The following ZNF236 variants were observed in gnomAD, a reference collection of about 807,000 sequenced individuals.
The protein encoded by ZNF236 is zinc finger protein 236, also known as regulated by glucose.
In ZNF236, 50 loss-of-function variants were observed where a neutral mutation model predicts 191.2. That is an observed-to-expected ratio of 0.26 (90% CI 0.21 to 0.33). The LOEUF (loss-of-function observed/expected upper bound fraction) is 0.33. Among genes scored for constraint, ZNF236 ranks in the 10% least tolerant of loss-of-function variants. The probability of loss-of-function intolerance (pLI) is 1.00; values close to 1 mark genes in which losing one functional copy is unlikely to be tolerated. For synonymous variants in ZNF236, 907 were observed against 928.8 expected (o/e 0.98, Z 0.43); for missense variants, 1,754 against 2,374.5 (o/e 0.74, Z 5.43).
chr18:76,952,095 G>A (rs938621392), intron 27 of ZNF236, among the ~76,000 whole-genome samples: 10 of 152,300 alleles, frequency 6.6e-5, no homozygotes, highest in African/African-American at 2.4e-4. Flanking sequence ...TTGAAATATT[G>A]CGAGAATTAC....
In ZNF236 at chr18:76,959,715, C is replaced by A. The variant is rs755318269; in HGVS notation, c.5141C>A (p.Pro1714His). The change falls in exon 29 of 31, where the codon CCC becomes CAC. Residue 1714 changes from proline to histidine, a missense_variant. Transcript: ENST00000320610. The part of the protein sequence containing the change: ...KEHMQTHQAG[P>H]SLSSQKPRVF... ...CACATGCAGACACACCAGGCCGGCC[C>A]CTCTTTGAGCTCCCAGAAGCCAAGA... The A allele has an allele frequency of 6.2e-7, 1 of 1,613,632 alleles. No individual in the cohort carries two copies. The highest frequency in any genetic ancestry group is 1.1e-5 in the South Asian group (1 of 90,948).
At chr18:76,826,472 A>G (rs1189661987) in intron 1 of ZNF236, among the ~76,000 whole-genome samples, 1 of 151,448 alleles carries the variant, frequency 6.6e-6, no homozygotes, top group Non-Finnish European at 1.5e-5. Context: ...GGCAGTTGGG[A>G]ACTGGATCTC....
At chr18:76,872,430 A>G (rs1305157162) in intron 5 of ZNF236, among the ~76,000 whole-genome samples, 1 of 152,226 alleles carries the variant, frequency 6.6e-6, no homozygotes, top group Non-Finnish European at 1.5e-5. Context: ...GTGCCACTGC[A>G]CTCCAGCCTG....
intron 28 of ZNF236, 98 bp from the exon 29 acceptor site, chr18:76,959,589 G>A (rs1468988119): frequency 2.2e-6 from 3 of 1,395,140 alleles, no homozygotes; most frequent in Non-Finnish European, 2.9e-6. Flanking sequence ...TTTTGTCCTT[G>A]CCACTGACTT....
At position 76,830,636 on chromosome 18, in the gene ZNF236, T is replaced by TA. The variant is rs994315416; in HGVS notation, c.55+7985dup. ...TAACACTAATGATAGCTGGTGGAGTTAAAAAAAAAAATCTCAAAAAAAGTC... is the reference window on the plus strand; with the variant it reads ...TAACACTAATGATAGCTGGTGGAGTTAAAAAAAAAAAATCTCAAAAAAAGTC... On this transcript the variant is annotated intron_variant, in intron 1 of 30. Transcript: ENST00000320610. 5.1e-4 allele frequency among the ~76,000 whole-genome samples: 76 copies of TA among 148,392 alleles called. 1 individual carries two copies. Among genetic ancestry groups the TA allele is most frequent in the Middle Eastern group, 6.9e-3 (2 of 290 alleles).
chr18:76,931,720 A>T (rs944997909), intron 25 of ZNF236, among the ~76,000 whole-genome samples: 1 of 152,226 alleles, frequency 6.6e-6, no homozygotes, highest in Non-Finnish European at 1.5e-5. Flanking sequence ...AGAAACTGCA[A>T]TTACTTTTGC....
chr18:76,883,722 T>A (rs1484245184), intron 9 of ZNF236, among the ~76,000 whole-genome samples: 2 of 152,148 alleles, frequency 1.3e-5, no homozygotes, highest in African/African-American at 2.4e-5. Context: ...GCTACCACAC[T>A]TAGCCTGGGG....
At chr18:76,917,875 CT>C (rs1967415591) in intron 19 of ZNF236, among the ~76,000 whole-genome samples, 3 of 152,238 alleles carry the variant, frequency 2.0e-5, no homozygotes, top group African/African-American at 7.2e-5. Context: ...TCTGGAATTT[CT>C]ACGAGATGGA....
In ZNF236 at chr18:76,972,854, C is replaced by T. The variant is rs1167122803; in HGVS notation, c.*4515C>T. On this transcript the variant is annotated 3_prime_UTR_variant, in exon 31 of 31. Coordinates refer to ENST00000320610, the MANE Select transcript of ZNF236 (RefSeq NM_001306089.2). ...AATGGATAGTGATGCCAAAAGCCAC[C>T]GTGCTGGCTTTAAAAATAATAAAAA... Among the ~76,000 whole-genome samples the T allele has an allele frequency of 2.6e-5, 4 of 152,008 alleles. No individual in the cohort carries two copies. Among genetic ancestry groups the T allele is most frequent in the Non-Finnish European group, 4.4e-5 (3 of 68,010 alleles).
intron 18 of ZNF236, among the ~76,000 whole-genome samples, chr18:76,915,166 C>T (rs1162534337): frequency 1.3e-5 from 2 of 152,254 alleles, no homozygotes; most frequent in East Asian, 3.9e-4. Flanking sequence ...AGAGGGCCTT[C>T]TGTATGGGAC....
In ZNF236 at chr18:76,948,801, G is replaced by A. The variant is rs565758236; in HGVS notation, c.4914+1149G>A. On this transcript the variant is annotated intron_variant, in intron 27 of 30. Coordinates refer to ENST00000320610, the MANE Select transcript of ZNF236 (RefSeq NM_001306089.2). The stretch of plus-strand genomic sequence containing the variant: ...CCGCGTGGTTGGGCTTAGCTATGCG[G>A]TCTCCAGGCCCCTGCCCCTCCAGGT... 5.9e-5 allele frequency among the ~76,000 whole-genome samples: 9 copies of A among 152,298 alleles called. No individual in the cohort carries two copies. In the South Asian group the frequency reaches 1.9e-3, roughly 32 times the overall value.
intron 1 of ZNF236, among the ~76,000 whole-genome samples, chr18:76,838,989 T>C (rs2122442834): frequency 6.6e-6 from 1 of 152,334 alleles, no homozygotes; most frequent in Non-Finnish European, 1.5e-5. Flanking sequence ...ACCATACAGA[T>C]TGTTTTCTTA....
At chr18:76,909,798 A>ACGC (rs1341043345) in intron 14 of ZNF236, among the ~76,000 whole-genome samples, 1 of 152,200 alleles carries the variant, frequency 6.6e-6, no homozygotes, top group East Asian at 1.9e-4. Context: ...GGTTTTAAAC[A>ACGC]ATTATGGAAT....
Position 76,926,922 on chromosome 18 carries a change from T to C in ZNF236, c.4028-115T>C, listed in dbSNP as rs116519695. On this transcript the variant is annotated intron_variant, in intron 22 of 30. Transcript: ENST00000320610. ...GTTCGTATTCCACAACAACATTGTA[T>C]TGACATAATGTGTACAACTTATGTA... The C allele has an allele frequency of 6.6e-4, 797 of 1,215,668 alleles. 1 individual carries two copies. The African/African-American group carries it at 7.8e-3, about 12-fold the overall frequency. 75.3% of individuals were successfully genotyped at this position (1,215,668 alleles called of 1,614,324 possible). A position where few individuals can be genotyped will look rare whatever the true frequency, so the allele number is the denominator to read the frequency against.
At chr18:76,935,951 G>A (rs779733397) in intron 25 of ZNF236, 3 of 456,618 alleles carry the variant, frequency 6.6e-6, no homozygotes, top group Non-Finnish European at 1.3e-5. Context: ...GAGCCTCCCA[G>A]CCTGCTAATG....
intron 1 of ZNF236, among the ~76,000 whole-genome samples, chr18:76,836,515 C>T (rs954080503): frequency 4.0e-5 from 6 of 151,810 alleles, no homozygotes; most frequent in Admixed American, 3.9e-4. Context: ...CATGCCTGGC[C>T]CTTTTCTCCT....
chr18:76,939,517 G>A (rs547694141), intron 26 of ZNF236, among the ~76,000 whole-genome samples: 1 of 152,272 alleles, frequency 6.6e-6, no homozygotes, highest in Non-Finnish European at 1.5e-5. Context: ...GCAGGCAGTG[G>A]GCAGGGGGAG....
rs770503912 is a variant in ZNF236 at position 76,960,878 on chromosome 18, T to G, written c.5419+23T>G. 18 of 1,598,374 alleles carry G rather than the reference T, an allele frequency of 1.1e-5. No homozygotes were observed. Among genetic ancestry groups the G allele is most frequent in the Admixed American group, 1.7e-5 (1 of 58,462 alleles). ...CTGGTGAGAATGCTGCACCCGGGAG[T>G]GCGTGCTGTTCGGTGGCCTGCGAGG... On this transcript the variant is annotated intron_variant, in intron 30 of 30. Transcript: ENST00000320610. This position sits in a 1 kb window ranked among gnomAD's most constrained non-coding sequence, Gnocchi z 4.4.
intron 20 of ZNF236, among the ~76,000 whole-genome samples, chr18:76,921,592 A>C (rs1248739085): frequency 1.3e-5 from 2 of 152,214 alleles, no homozygotes; most frequent in Middle Eastern, 3.4e-3. Flanking sequence ...AGGGTGTCAC[A>C]TGGAGGTGTT....
Sources: allele counts gnomAD v4.1 joint callset (sites outside exome capture counted in the v4.1 genomes callset), GRCh38; gene constraint gnomAD v4.1.1; non-coding constraint Gnocchi (gnomAD v3.1); transcripts MANE v1.5; gene names NCBI Gene and HGNC (gene_info 2026-07-23, HGNC 2026-07-21).